ADGRE3: variants seen among roughly 807,000 people sequenced by gnomAD.
The protein encoded by ADGRE3 is EGF-like module receptor 3.
In ADGRE3, 88 loss-of-function variants were observed where a neutral mutation model predicts 80.1. The ratio of observed to expected loss-of-function variants is 1.10; its 90% CI spans 0.93 to 1.31. ADGRE3 has a LOEUF of 1.31. ADGRE3 is among the 40% of genes most tolerant of loss of function. ADGRE3 has a pLI of 0.00. For synonymous variants in ADGRE3, 281 were observed against 294.8 expected (o/e 0.95, Z 0.48); for missense variants, 715 against 776.5 (o/e 0.92, Z 0.94).
At chr19:14,638,473 G>T (rs1233352622) in intron 10 of ADGRE3, 133 bp from the exon 11 acceptor site, 1 of 636,302 alleles carries the variant, frequency 1.6e-6, no homozygotes, top group East Asian at 2.8e-5. Flanking sequence ...AGGGGAACTG[G>T]ATGCAGTGGC....
chr19:14,623,636 A>T (rs1970655141), intron 15 of ADGRE3, among the ~76,000 whole-genome samples: 1 of 152,122 alleles, frequency 6.6e-6, no homozygotes, highest in Non-Finnish European at 1.5e-5. Flanking sequence ...CTGGGGCAGA[A>T]TCCCTCCCCT....
At chr19:14,613,612 T>A in the ADGRE3 span, among the ~76,000 whole-genome samples, 1 of 152,092 alleles carries the variant, frequency 6.6e-6, no homozygotes. Flanking sequence ...GAGCAGGTGG[T>A]GGGAGAGGTC....
chr19:14,630,393 CTTATTTTATTTTATT>C (rs55760456), intron 13 of ADGRE3, among the ~76,000 whole-genome samples, 186 bp from the exon 14 acceptor site: 6 of 148,496 alleles, frequency 4.0e-5, no homozygotes, highest in Non-Finnish European at 5.9e-5. Flanking sequence ...GCTCCCTCAT[CTTATTTTATTTTATT>C]TTATTTTATT....
rs763890812 is a variant in ADGRE3, at chr19:14,644,276, C to A, written c.883-1G>T. The A allele has an allele frequency of 5.3e-6, 8 of 1,500,312 alleles. No homozygotes were observed. The highest frequency in any genetic ancestry group is 6.2e-6 in the Non-Finnish European group (7 of 1,122,034). 92.9% of individuals were successfully genotyped at this position (1,500,312 alleles called of 1,614,324 possible). ...AGACCTTTTTGGTACTGGGGGTCAT[C>A]TGAAAATAGAAAATAGAAAGGGCTC... On this transcript the variant is annotated splice_acceptor_variant, in intron 8 of 15. Transcript: ENST00000253673. LOFTEE classifies it high-confidence loss of function.
chr19:14,658,709 T>C (rs1286711196), intron 4 of ADGRE3, among the ~76,000 whole-genome samples, 159 bp from the exon 5 acceptor site: 1 of 151,972 alleles, frequency 6.6e-6, no homozygotes, highest in Non-Finnish European at 1.5e-5. Context: ...TTTAAAAAAT[T>C]TTAAATTTTA....
chr19:14,625,552 T>C lies in ADGRE3; in HGVS notation c.1860A>G (p.Lys620=), dbSNP rs1970715966. 1.5e-5 allele frequency: 25 copies of C among 1,614,028 alleles called. No homozygotes were observed. Among genetic ancestry groups the C allele is most frequent in the Non-Finnish European group, 2.0e-5 (24 of 1,179,888 alleles). ...AAAGTGTGTATGTCTCAGACTCAGA[T>C]TTTGATTTTACGATCTCTCTAAACC... ...QKWFREIVKS[K]SESETYTLSS... Residue 620 remains lysine (K), a synonymous_variant, in exon 15 of 16, where the codon AAA becomes AAG. Transcript: ENST00000253673.
chr19:14,642,932 T>C (rs1009026407), intron 9 of ADGRE3, among the ~76,000 whole-genome samples: 1 of 152,154 alleles, frequency 6.6e-6, no homozygotes, highest in Non-Finnish European at 1.5e-5. Context: ...TTATATTCCT[T>C]TGGGTATATA....
intron 11 of ADGRE3, among the ~76,000 whole-genome samples, chr19:14,637,451 T>C (rs1307560997): frequency 1.3e-5 from 2 of 151,170 alleles, no homozygotes; most frequent in East Asian, 3.9e-4. Context: ...TGGAATGTAG[T>C]GGCCTGAGCA....
chr19:14,657,747 T>A (rs9749623), intron 5 of ADGRE3, among the ~76,000 whole-genome samples: 3,604 of 59,236 alleles, frequency 0.061, 125 homozygotes, highest in African/African-American at 0.15. Context: ...ATATATATAT[T>A]TTTTTGTTTG....
intron 1 of ADGRE3, among the ~76,000 whole-genome samples, chr19:14,670,347 T>C (rs1235406228): frequency 6.6e-6 from 1 of 152,158 alleles, no homozygotes. Context: ...GAGGCTGCAT[T>C]TCCTCTTGAC....
intron 6 of ADGRE3, among the ~76,000 whole-genome samples, chr19:14,651,409 G>A (rs1357475875): frequency 2.0e-5 from 3 of 152,038 alleles, no homozygotes; most frequent in Non-Finnish European, 4.4e-5. Context: ...CAACATAAAT[G>A]GCTCACATAT....
At chr19:14,649,120 C>T (rs886638428) in intron 7 of ADGRE3, among the ~76,000 whole-genome samples, 3 of 149,154 alleles carry the variant, frequency 2.0e-5, no homozygotes, top group African/African-American at 7.4e-5. Context: ...CCCCATCTCT[C>T]GAATTCCGTC....
the ADGRE3 span, among the ~76,000 whole-genome samples, chr19:14,608,910 C>T: frequency 6.6e-6 from 1 of 151,918 alleles, no homozygotes; most frequent in Non-Finnish European, 1.5e-5. Context: ...AGCGATTCTC[C>T]TGCCTTAGTC....
intron 11 of ADGRE3, 33 bp from the exon 12 acceptor site, chr19:14,633,335 G>T (rs1193596353): frequency 4.5e-6 from 7 of 1,542,098 alleles, no homozygotes; most frequent in South Asian, 1.1e-5. Context: ...TACAAAGAGA[G>T]ATCAGAGAAA....
intron 9 of ADGRE3, among the ~76,000 whole-genome samples, chr19:14,643,528 C>A (rs1286664822): frequency 6.6e-6 from 1 of 152,020 alleles, no homozygotes; most frequent in African/African-American, 2.4e-5. Flanking sequence ...TGTGAATGAT[C>A]CCCCAATACA....
chr19:14,620,548 T>TATTATATATATATATA, intron 15 of ADGRE3, among the ~76,000 whole-genome samples: 8 of 24,972 alleles, frequency 3.2e-4, no homozygotes, highest in African/African-American at 8.6e-4. Context: ...TATATATATA[T>TATTATATATATATATA]TATATATATA....
chr19:14,620,562 ATATATATTTTTTTTT>A lies in ADGRE3; in HGVS notation c.1921-1106_1921-1092del, dbSNP rs1970566573. On this transcript the variant is annotated intron_variant, in intron 15 of 15. Transcript: ENST00000253673. Reference sequence around the variant, plus strand: ...TTATATATATATTATATATATATATATATATATTTTTTTTTTTTTTTTTTTTTTTTTTTTTGAGAC... The same window carrying A: ...TTATATATATATTATATATATATATATTTTTTTTTTTTTTTTTTTTGAGAC... Among the ~76,000 whole-genome samples, 14 of 22,076 alleles carry A rather than the reference ATATATATTTTTTTTT, an allele frequency of 6.3e-4. 2 individuals are homozygous for A. Among genetic ancestry groups the A allele is most frequent in the Admixed American group, 1.6e-3 (2 of 1,242 alleles). 14.5% of individuals were successfully genotyped at this position (22,076 alleles called of 152,430 possible).
intron 15 of ADGRE3, among the ~76,000 whole-genome samples, chr19:14,624,182 C>T (rs1970674485): frequency 6.6e-6 from 1 of 151,780 alleles, no homozygotes; most frequent in African/African-American, 2.4e-5. Context: ...GCAACCTCTG[C>T]TGCCCGGATT....
chr19:14,661,566 C>T (rs938906219), intron 4 of ADGRE3, among the ~76,000 whole-genome samples: 2 of 152,212 alleles, frequency 1.3e-5, no homozygotes, highest in Non-Finnish European at 2.9e-5. Flanking sequence ...TTTCTCACCC[C>T]CTTATTTCCC....
Sources: gnomAD v4.1 joint callset for allele counts (sites outside exome capture counted in the v4.1 genomes callset) on GRCh38, gnomAD v4.1.1 for gene constraint, MANE v1.5 for transcripts, NCBI Gene and HGNC (gene_info 2026-07-23, HGNC 2026-07-21) for gene names.